Variants in USH2A observed in about 807,000 individuals in gnomAD.
USH2A encodes the protein Usher syndrome 2A (autosomal recessive, mild).
A neutral mutation model predicts 538.9 loss-of-function variants in USH2A; 443 were observed. The observed-to-expected ratio is 0.82, with a 90% CI of 0.76 to 0.89. USH2A has a LOEUF of 0.89. USH2A is among the 40% of genes least tolerant of loss of function. The pLI is 0.00. For synonymous variants in USH2A, 2,413 were observed against 2,273.5 expected (o/e 1.06, Z -1.75); for missense variants, 6,633 against 6,324.8 (o/e 1.05, Z -1.65).
At chr1:216,095,951 G>T (rs774939357) in intron 22 of USH2A, among the ~76,000 whole-genome samples, 5 of 152,136 alleles carry the variant, frequency 3.3e-5, no homozygotes, top group Non-Finnish European at 5.9e-5. Flanking sequence ...CAAGCATAAC[G>T]TGTGATTTAG....
chr1:215,646,806 C>T (rs1050263682), intron 67 of USH2A, among the ~76,000 whole-genome samples: 6 of 152,146 alleles, frequency 3.9e-5, no homozygotes, highest in African/African-American at 4.8e-5. Flanking sequence ...GGATTACAGG[C>T]GTGAGCCACT....
chr1:215,669,045 A>T (rs1490248480), intron 64 of USH2A, among the ~76,000 whole-genome samples: 3 of 152,176 alleles, frequency 2.0e-5, no homozygotes, highest in Non-Finnish European at 4.4e-5. Flanking sequence ...TCTGTCTCGA[A>T]CAAAGAAACA....
intron 21 of USH2A, among the ~76,000 whole-genome samples, chr1:216,159,800 A>G (rs574024785): frequency 8.5e-5 from 13 of 152,120 alleles, no homozygotes; most frequent in Middle Eastern, 3.4e-3. Flanking sequence ...GGTTTTCTTT[A>G]TGTAAAAGAC....
intron 43 of USH2A, among the ~76,000 whole-genome samples, chr1:215,869,422 T>G (rs1335227251): frequency 6.6e-6 from 1 of 152,278 alleles, no homozygotes; most frequent in East Asian, 1.9e-4. Flanking sequence ...GCAGAGGGAA[T>G]AGATTTTTGC....
chr1:216,040,437 G>A (rs1231102776), intron 32 of USH2A, among the ~76,000 whole-genome samples: 1 of 151,986 alleles, frequency 6.6e-6, no homozygotes, highest in Admixed American at 6.6e-5. Context: ...AAACCTCCTT[G>A]CCGGGTTTGG....
chr1:215,738,791 G>T (rs1289650967), intron 60 of USH2A, among the ~76,000 whole-genome samples: 2 of 151,996 alleles, frequency 1.3e-5, no homozygotes, highest in East Asian at 1.9e-4. Flanking sequence ...TACTTCCTTT[G>T]GTGCCGATAG....
At chr1:216,337,164 C>G (rs13376211) in intron 4 of USH2A, among the ~76,000 whole-genome samples, 2,654 of 151,440 alleles carry the variant, frequency 0.018, 79 homozygotes, top group African/African-American at 0.059. Context: ...TTTAAAATAT[C>G]TTAATATTAA....
chr1:215,817,639 G>A (rs1181245157), intron 47 of USH2A, among the ~76,000 whole-genome samples: 1 of 151,972 alleles, frequency 6.6e-6, no homozygotes, highest in Non-Finnish European at 1.5e-5. Context: ...GACTCCTATG[G>A]AGGTTCCTAG....
intron 38 of USH2A, among the ~76,000 whole-genome samples, chr1:215,907,290 C>T (rs757551780): frequency 6.6e-6 from 1 of 151,946 alleles, no homozygotes; most frequent in Non-Finnish European, 1.5e-5. Flanking sequence ...ACACTGAACT[C>T]CTTAGAACCT....
chr1:215,832,813 C>CT (rs1350557611), intron 47 of USH2A, among the ~76,000 whole-genome samples: 2 of 151,808 alleles, frequency 1.3e-5, no homozygotes, highest in Non-Finnish European at 3.0e-5. Flanking sequence ...TGTAGAAGAT[C>CT]TATATAGACT....
At chr1:215,725,384 C>T (rs11807729) in intron 61 of USH2A, among the ~76,000 whole-genome samples, 6,147 of 152,234 alleles carry the variant, frequency 0.04, 379 homozygotes, top group African/African-American at 0.13. Flanking sequence ...CACAAAAACA[C>T]TAGTTCATTT....
Position 215,852,796 on chromosome 1 carries a change from T to A in USH2A, c.8846-6763A>T, listed in dbSNP as rs190105914. Among the ~76,000 whole-genome samples, 524 of 152,324 alleles carry A rather than the reference T, an allele frequency of 3.4e-3. 3 individuals are homozygous for A. Among genetic ancestry groups the A allele is most frequent in the African/African-American group, 0.012 (497 of 41,566 alleles). ...ATCTTAAAGCTCCAAAATGATCTCT[T>A]TTGAATCCATGTCTCACATCCAGCT... On this transcript the variant is annotated intron_variant, in intron 44 of 71. Coordinates refer to ENST00000307340, the MANE Select transcript of USH2A (RefSeq NM_206933.4).
At chr1:215,847,512 G>A (rs946404988) in intron 44 of USH2A, among the ~76,000 whole-genome samples, 1 of 151,934 alleles carries the variant, frequency 6.6e-6, no homozygotes, top group Non-Finnish European at 1.5e-5. Flanking sequence ...AGGTGTGATG[G>A]CACACACCTG....
chr1:216,316,995 G>A (rs936128363), intron 9 of USH2A, among the ~76,000 whole-genome samples: 2 of 152,112 alleles, frequency 1.3e-5, no homozygotes, highest in African/African-American at 4.8e-5. Context: ...TTTGTCAGAT[G>A]GATAGAATGC....
chr1:216,136,410 T>A (rs1185141561), intron 21 of USH2A, among the ~76,000 whole-genome samples: 1 of 152,190 alleles, frequency 6.6e-6, no homozygotes, highest in Non-Finnish European at 1.5e-5. Flanking sequence ...TAGTGCACCA[T>A]GCTGTGTTTG....
chr1:216,043,738 T>C (rs2030395612), intron 32 of USH2A, among the ~76,000 whole-genome samples: 1 of 152,100 alleles, frequency 6.6e-6, no homozygotes, highest in Non-Finnish European at 1.5e-5. Flanking sequence ...CTGCCCTTTT[T>C]CCGGTTTTGT....
At chr1:216,356,031 A>G (rs1286736848) in intron 4 of USH2A, among the ~76,000 whole-genome samples, 1 of 152,146 alleles carries the variant, frequency 6.6e-6, no homozygotes, top group Non-Finnish European at 1.5e-5. Flanking sequence ...GAGAAAACAT[A>G]TTAGGAAATT....
At chr1:216,102,971 G>T (rs2032628433) in intron 21 of USH2A, among the ~76,000 whole-genome samples, 1 of 152,086 alleles carries the variant, frequency 6.6e-6, no homozygotes, top group South Asian at 2.1e-4. Flanking sequence ...ACATACACAC[G>T]TGTCACTCAA....
At chr1:216,100,240 A>T (rs962074414) in intron 21 of USH2A, among the ~76,000 whole-genome samples, 2 of 152,170 alleles carry the variant, frequency 1.3e-5, no homozygotes, top group African/African-American at 4.8e-5. Context: ...AGGACTGAGG[A>T]AATGAATGAG....
Sources: gnomAD v4.1 joint callset for allele counts (sites outside exome capture counted in the v4.1 genomes callset) on GRCh38, gnomAD v4.1.1 for gene constraint, MANE v1.5 for transcripts, NCBI Gene and HGNC (gene_info 2026-07-23, HGNC 2026-07-21) for gene names.